The following JCAD variants were observed in gnomAD, a reference collection of about 807,000 sequenced individuals.
JCAD encodes the protein junctional cadherin 5 associated.
JCAD carries 40 observed loss-of-function variants against 98.0 expected under a neutral mutation model. That is an observed-to-expected ratio of 0.41 (90% CI 0.32 to 0.53). JCAD has a LOEUF of 0.53. Ranked by LOEUF, JCAD falls within the 20% of genes least tolerant of loss-of-function variation. JCAD has a pLI of 0.31. For missense variants in JCAD, 1,705 were observed against 1,738.1 expected (o/e 0.98, Z 0.34); for synonymous variants, 691 against 682.3 (o/e 1.01, Z -0.20).
upstream of JCAD, among the ~76,000 whole-genome samples, chr10:30,064,327 G>C (rs983110820): frequency 1.3e-5 from 2 of 152,118 alleles, no homozygotes; most frequent in African/African-American, 4.8e-5. Context: ...TGACTCTGCA[G>C]AGTCCCCACC....
At chr10:30,039,186 T>A (rs952684721) in intron 2 of JCAD, among the ~76,000 whole-genome samples, 1 of 152,164 alleles carries the variant, frequency 6.6e-6, no homozygotes, top group Non-Finnish European at 1.5e-5. Flanking sequence ...AGGATCCCAC[T>A]GATAGAGGAC....
At chr10:30,031,750 A>AT (rs1177691710) in intron 2 of JCAD, among the ~76,000 whole-genome samples, 21,252 of 63,362 alleles carry the variant, frequency 0.34, 4,734 homozygotes, top group African/African-American at 0.37. Context: ...CCCCATCTGT[A>AT]TTTTTTTTTT....
chr10:30,086,946 T>A (rs1838176340), intron 1 of JCAD, among the ~76,000 whole-genome samples: 1 of 152,182 alleles, frequency 6.6e-6, no homozygotes, highest in African/African-American at 2.4e-5. Flanking sequence ...CCTGTTACAG[T>A]GGGATAAATA....
intron 1 of JCAD, among the ~76,000 whole-genome samples, chr10:30,111,731 G>T (rs1273431934): frequency 6.6e-6 from 1 of 152,218 alleles, no homozygotes; most frequent in Non-Finnish European, 1.5e-5. Context: ...CATTAGTCAT[G>T]AGGGAAATGT....
chr10:30,115,385 T>C (rs929206085), exon 1 of JCAD: 1 of 152,236 alleles, frequency 6.6e-6, no homozygotes, highest in Admixed American at 6.5e-5. Flanking sequence ...ATCCCTGATT[T>C]CTTCATGAGC....
upstream of JCAD, among the ~76,000 whole-genome samples, chr10:30,063,869 G>A (rs1246842402): frequency 6.6e-6 from 1 of 151,416 alleles, no homozygotes; most frequent in African/African-American, 2.4e-5. Flanking sequence ...GTGCAGTGTC[G>A]TGATCTCGGC....
chr10:30,068,102 T>C (rs1374095445), intron 2 of JCAD, among the ~76,000 whole-genome samples: 4 of 152,122 alleles, frequency 2.6e-5, no homozygotes, highest in African/African-American at 9.7e-5. Flanking sequence ...TGTAAAAGGA[T>C]GTACGGCCGG....
chr10:30,068,809 G>A (rs1039002516), intron 2 of JCAD, among the ~76,000 whole-genome samples: 1 of 152,172 alleles, frequency 6.6e-6, no homozygotes. Context: ...CAGACAACTA[G>A]GGATAACTGT....
chr10:30,113,209 G>C (rs1393087724), intron 1 of JCAD, among the ~76,000 whole-genome samples: 1 of 152,050 alleles, frequency 6.6e-6, no homozygotes. Flanking sequence ...TGGAGATTTG[G>C]GCAAAGACCT....
intron 2 of JCAD, among the ~76,000 whole-genome samples, chr10:30,034,529 T>G (rs929810416): frequency 1.3e-5 from 2 of 152,194 alleles, no homozygotes; most frequent in Admixed American, 6.5e-5. Context: ...TTTTGAATGC[T>G]GAGAAGACTG....
intron 2 of JCAD, chr10:30,069,690 T>G (rs763313732): frequency 4.0e-5 from 6 of 148,454 alleles, no homozygotes; most frequent in Non-Finnish European, 7.4e-5. Flanking sequence ...GCAAGCGTGG[T>G]GGCACGCACC....
intron 1 of JCAD, among the ~76,000 whole-genome samples, chr10:30,099,149 TAA>T (rs1838427440): frequency 6.6e-6 from 1 of 152,214 alleles, no homozygotes; most frequent in African/African-American, 2.4e-5. Flanking sequence ...GAAAATTATT[TAA>T]AAGTGGGGAA....
intron 2 of JCAD, among the ~76,000 whole-genome samples, chr10:30,068,623 T>C (rs1297968331): frequency 2.0e-5 from 3 of 152,176 alleles, no homozygotes; most frequent in African/African-American, 4.8e-5. Flanking sequence ...TGTGTTTTCT[T>C]AGTTTGGACT....
chr10:30,036,808 G>A (rs1481680273), intron 2 of JCAD, among the ~76,000 whole-genome samples: 1 of 152,242 alleles, frequency 6.6e-6, no homozygotes, highest in Non-Finnish European at 1.5e-5. Context: ...TGGGGCTGGG[G>A]AGGCCCCATT....
chr10:30,052,825 T>G (rs1158736909), intron 1 of JCAD, among the ~76,000 whole-genome samples: 3 of 152,228 alleles, frequency 2.0e-5, no homozygotes, highest in African/African-American at 7.2e-5. Flanking sequence ...AGGTTAGGAC[T>G]GGCAAATGAA....
At chr10:30,048,612 C>T (rs574719703) in intron 1 of JCAD, among the ~76,000 whole-genome samples, 1 of 152,150 alleles carries the variant, frequency 6.6e-6, no homozygotes, top group East Asian at 1.9e-4. Context: ...GTTGCCCAGG[C>T]TGGAGTGCAG....
intron 1 of JCAD, among the ~76,000 whole-genome samples, chr10:30,078,106 A>G (rs1181605554): frequency 6.6e-6 from 1 of 152,162 alleles, no homozygotes; most frequent in Non-Finnish European, 1.5e-5. Flanking sequence ...CAGCCATCCT[A>G]ATGGGTATGA....
At chr10:30,078,447 G>T (rs1838016877) in intron 1 of JCAD, among the ~76,000 whole-genome samples, 1 of 151,976 alleles carries the variant, frequency 6.6e-6, no homozygotes, top group Non-Finnish European at 1.5e-5. Flanking sequence ...CAGCATCAGA[G>T]AACTGCCATT....
chr10:30,035,658 A>G (rs899353731), intron 2 of JCAD, among the ~76,000 whole-genome samples: 3 of 152,268 alleles, frequency 2.0e-5, no homozygotes, highest in African/African-American at 7.2e-5. Flanking sequence ...TAAGGAAATG[A>G]GATCAAATTT....
Sources: allele counts gnomAD v4.1 joint callset (sites outside exome capture counted in the v4.1 genomes callset), GRCh38; gene constraint gnomAD v4.1.1; transcripts MANE v1.5; gene names NCBI Gene and HGNC (gene_info 2026-07-23, HGNC 2026-07-21).